The following IL4I1 variants were observed in gnomAD, a reference collection of about 807,000 sequenced individuals.
IL4I1 encodes interleukin 4 induced 1.
A neutral mutation model predicts 29.7 loss-of-function variants in IL4I1; 24 were observed. That is an observed-to-expected ratio of 0.81 (90% confidence interval 0.59 to 1.14). The LOEUF is 1.14. Among genes scored for constraint, IL4I1 ranks in the 50% most tolerant of loss-of-function variants. The pLI is 0.00. For synonymous variants in IL4I1, 371 were observed against 352.5 expected (o/e 1.05, Z -0.59); for missense variants, 686 against 785.6 (o/e 0.87, Z 1.52).
chr19:49,912,867 A>G (rs946591891), intron 2 of IL4I1: 3 of 152,270 alleles, frequency 2.0e-5, no homozygotes, highest in African/African-American at 7.2e-5. Context: ...CCCCATCTAA[A>G]AAAGAAAGAA....
In IL4I1 at chr19:49,894,349, C is replaced by A. The variant is rs764185723; in HGVS notation, c.486G>T (p.Val162=). The A allele has an allele frequency of 3.3e-5, 53 of 1,614,138 alleles. No individual in the cohort carries two copies. In the African/African-American group the frequency reaches 5.6e-4, roughly 17 times the overall value. ...GCAAGGCGTAGCCCAGCTTCTCGGG[C>A]ACCTTCTCCACCACATAGTTGCGCA... ...VKLRNYVVEK[V]PEKLGYALRP... Residue 162 remains valine, a synonymous_variant, in exon 5 of 8, where the codon GTG becomes GTT. Coordinates refer to ENST00000391826, the MANE Select transcript of IL4I1 (RefSeq NM_152899.2).
At chr19:49,894,575 G>T in intron 4 of IL4I1, 106 bp from the exon 5 acceptor site, 1 of 737,566 alleles carries the variant, frequency 1.4e-6, no homozygotes, top group Non-Finnish European at 2.2e-6. Context: ...CTGGGGACCA[G>T]CATGAGGCTG....
chr19:49,912,060 T>C (rs62126292), intron 2 of IL4I1, among the ~76,000 whole-genome samples: 2 of 152,148 alleles, frequency 1.3e-5, no homozygotes, highest in African/African-American at 2.4e-5. Flanking sequence ...TAATAAGTTG[T>C]AGCTAAAATT....
rs548787090 is a variant in IL4I1, at chr19:49,902,554, A to C, written c.-104-733T>G. 7.2e-5 allele frequency among the ~76,000 whole-genome samples: 11 copies of C among 152,198 alleles called. No homozygotes were observed. The South Asian group carries it at 2.3e-3, about 32-fold the overall frequency. On this transcript the variant is annotated intron_variant, in intron 3 of 9. Coordinates refer to the IL4I1 transcript ENST00000341114. ...AACAAAAAAACAGTTTAGGCCGGGC[A>C]TGGTGGCTGACACCTGCAATCACAG...
chr19:49,899,082 C>A (rs2075247267), upstream of IL4I1, among the ~76,000 whole-genome samples: 1 of 152,172 alleles, frequency 6.6e-6, no homozygotes, highest in African/African-American at 2.4e-5. Flanking sequence ...TGTGCCTCGA[C>A]CTGGGTCCCA....
intron 2 of IL4I1, among the ~76,000 whole-genome samples, chr19:49,926,253 G>T (rs1031782431): frequency 6.6e-6 from 1 of 150,566 alleles, no homozygotes; most frequent in African/African-American, 2.5e-5. Flanking sequence ...TTAAGACTGG[G>T]TGTGGTGGCT....
chr19:49,901,127 C>T (rs1394874555), upstream of IL4I1, among the ~76,000 whole-genome samples: 1 of 152,216 alleles, frequency 6.6e-6, no homozygotes, highest in Non-Finnish European at 1.5e-5. Flanking sequence ...CTCCTGTCAT[C>T]ACAGCACTTT....
chr19:49,891,412 G>C lies in IL4I1; in HGVS notation c.629C>G (p.Thr210Arg), dbSNP rs765500991. ...RKAMKKFERH[T>R]LLEYLLGEGN... ...ACCAAGATCCCCACTTACCAAGAGCGTGTGCCTTTCAAACTTCTTCATCGC... is the reference window on the plus strand; with the variant it reads ...ACCAAGATCCCCACTTACCAAGAGCCTGTGCCTTTCAAACTTCTTCATCGC... The change falls in exon 6 of 8, where the codon ACG becomes AGG. Residue 210 changes from threonine (T) to arginine (R), a missense_variant. Physicochemically the swap from Thr to Arg is moderately conservative, Grantham distance 71 (BLOSUM62 -1). Transcript: ENST00000391826. The C allele has an allele frequency of 1.2e-6, 2 of 1,613,846 alleles. No homozygotes were observed. Among genetic ancestry groups the C allele is most frequent in the Non-Finnish European group, 1.7e-6 (2 of 1,179,884 alleles).
intron 2 of IL4I1, among the ~76,000 whole-genome samples, chr19:49,916,938 C>A (rs993250368): frequency 6.6e-6 from 1 of 152,208 alleles, no homozygotes; most frequent in Non-Finnish European, 1.5e-5. Flanking sequence ...TAAAAAAGTT[C>A]TGGGAGGCAC....
In IL4I1 at chr19:49,889,791, C is replaced by G. The variant is rs150899760; in HGVS notation, c.1583G>C (p.Gly528Ala). Residue 528 changes from glycine (G) to alanine (A), a missense_variant, in exon 8 of 8, where the codon GGG (glycine) becomes GCG (alanine). By Grantham distance (60) the Gly-to-Ala change is moderately conservative. Coordinates refer to ENST00000391826, the MANE Select transcript of IL4I1 (RefSeq NM_152899.2). ...EGHASDMEGQ[G>A]HVHGVASSPS... ...GCTGCTGGCCACCCCATGCACATGC[C>G]CCTGCCCCTCCATGTCAGATGCGTG... is the stretch of plus-strand genomic sequence containing the variant. 1 of 1,540,574 alleles carries G rather than the reference C, an allele frequency of 6.5e-7. No homozygotes were observed.
intron 2 of IL4I1, chr19:49,908,781 C>T (rs746873934): frequency 1.9e-6 from 3 of 1,613,670 alleles, no homozygotes; most frequent in Non-Finnish European, 2.5e-6. Context: ...TCCTCTAGCT[C>T]CAGGCTCCAT....
At chr19:49,893,060 C>T (rs2075159632) in intron 5 of IL4I1, among the ~76,000 whole-genome samples, 1 of 151,974 alleles carries the variant, frequency 6.6e-6, no homozygotes, top group Non-Finnish European at 1.5e-5. Flanking sequence ...ATGTGGACCA[C>T]CATGAGGACA....
chr19:49,922,505 C>G (rs1453433849), intron 2 of IL4I1, among the ~76,000 whole-genome samples: 1 of 151,914 alleles, frequency 6.6e-6, no homozygotes, highest in African/African-American at 2.4e-5. Flanking sequence ...AAGTCCAGCA[C>G]AGAGGGGACC....
chr19:49,896,079 G>A lies in IL4I1; in HGVS notation c.14-26C>T, dbSNP rs568859214. ...CTGGGAGGAGGAGGACAGGGTCAAC[G>A]GGGTTGTGGCAGGTCGGGGGAGAGG... On this transcript the variant is annotated intron_variant, in intron 2 of 7. Transcript: ENST00000391826. 415 of 1,609,458 alleles carry A rather than the reference G, an allele frequency of 2.6e-4. 4 individuals are homozygous for A. The South Asian group carries it at 4.3e-3, about 17-fold the overall frequency.
Position 49,891,171 on chromosome 19 carries a change from C to T in IL4I1, c.637-64G>A, listed in dbSNP as rs1250797888. The T allele has an allele frequency of 1.8e-5, 28 of 1,577,086 alleles. 1 individual carries two copies. In the South Asian group the frequency reaches 2.8e-4, roughly 16 times the overall value. On this transcript the variant is annotated intron_variant, in intron 6 of 7. Transcript: ENST00000391826. ...GGCTGCACCCCTGAGAGAGCCCCTC[C>T]GCAGCTGGGCCTCCTGGTCCCATGA...
In IL4I1 at chr19:49,891,116, T is replaced by A. The variant is rs560572718; in HGVS notation, c.637-9A>T. 6.2e-7 allele frequency: 1 copy of A among 1,610,516 alleles called. No homozygotes were observed. The highest frequency in any genetic ancestry group is 1.1e-5 in the South Asian group (1 of 90,832). ...TCCCCGAGAAGATATTCCTGCAGGTTGGGCACAGGCCGAGGTTAGGGCCCA... is the reference window on the plus strand; with the variant it reads ...TCCCCGAGAAGATATTCCTGCAGGTAGGGCACAGGCCGAGGTTAGGGCCCA... On this transcript the variant is annotated splice_polypyrimidine_tract_variant and intron_variant, in intron 6 of 7. Transcript: ENST00000391826.
intron 2 of IL4I1, among the ~76,000 whole-genome samples, chr19:49,923,179 G>T (rs1409183933): frequency 6.6e-6 from 1 of 152,164 alleles, no homozygotes; most frequent in Non-Finnish European, 1.5e-5. Flanking sequence ...GGCAGCCTGT[G>T]CTGTCTCCCA....
intron 2 of IL4I1, among the ~76,000 whole-genome samples, chr19:49,918,078 CTTT>C (rs559266842): frequency 7.5e-6 from 1 of 132,622 alleles, no homozygotes. Context: ...TTTCCTTTTT[CTTT>C]TTTTTTTTTT....
At chr19:49,909,148 G>C in intron 2 of IL4I1, 1 of 1,613,112 alleles carries the variant, frequency 6.2e-7, no homozygotes, top group Non-Finnish European at 8.5e-7. Context: ...ACGCAAAGAG[G>C]CTGGGCCCAG....
Sources: gnomAD v4.1 joint callset for allele counts (sites outside exome capture counted in the v4.1 genomes callset) on GRCh38, gnomAD v4.1.1 for gene constraint, MANE v1.5 for transcripts, NCBI Gene and HGNC (gene_info 2026-07-23, HGNC 2026-07-21) for gene names.